The following FAM185A variants were observed in gnomAD, a reference collection of about 807,000 sequenced individuals.
FAM185A encodes the protein protein FAM185A.
A neutral mutation model predicts 45.7 loss-of-function variants in FAM185A; 21 were observed. That is an observed-to-expected ratio of 0.46 (90% confidence interval 0.33 to 0.66). The LOEUF is 0.66. Ranked by LOEUF, FAM185A falls within the 30% of genes least tolerant of loss-of-function variation. FAM185A has a pLI of 0.03. For synonymous variants in FAM185A, 117 were observed against 194.0 expected (o/e 0.60, Z 3.30); for missense variants, 305 against 485.4 (o/e 0.63, Z 3.49).
chr7:102,772,584 A>G (rs1794819998), intron 5 of FAM185A, 134 bp downstream of exon 5: 1 of 536,732 alleles, frequency 1.9e-6, no homozygotes, highest in Non-Finnish European at 3.2e-6. Context: ...AAATATAGGC[A>G]GAACCAATGT....
At chr7:102,765,021 C>T (rs865977946) in intron 4 of FAM185A, among the ~76,000 whole-genome samples, 1 of 152,242 alleles carries the variant, frequency 6.6e-6, no homozygotes, top group Non-Finnish European at 1.5e-5. Context: ...GAACAATTGG[C>T]TGTTCACAGA....
chr7:102,812,155 G>A (rs866440857), downstream of FAM185A, among the ~76,000 whole-genome samples: 44 of 152,296 alleles, frequency 2.9e-4, no homozygotes, highest in Non-Finnish European at 4.9e-4. Flanking sequence ...TCAGAACAGA[G>A]TTGTGTTTTC....
chr7:102,832,774 C>T, the FAM185A span: 1 of 1,586,054 alleles, frequency 6.3e-7, no homozygotes, highest in African/African-American at 1.3e-5. Flanking sequence ...GCCCTGATCG[C>T]TGTCCTGCCT....
chr7:102,806,602 CAGGCCCTT>C (rs902236452), intron 7 of FAM185A, among the ~76,000 whole-genome samples: 3 of 152,298 alleles, frequency 2.0e-5, no homozygotes, highest in Middle Eastern at 3.4e-3. Context: ...GAAGAGTCCA[CAGGCCCTT>C]ACAAGCGGTC....
At chr7:102,780,653 A>G (rs544399013) in intron 6 of FAM185A, among the ~76,000 whole-genome samples, 1 of 152,296 alleles carries the variant, frequency 6.6e-6, no homozygotes, top group South Asian at 2.1e-4. Context: ...GTGAAATACC[A>G]TGGTGGTTAA....
chr7:102,789,419 T>A (rs980390215), intron 7 of FAM185A, among the ~76,000 whole-genome samples: 2 of 152,208 alleles, frequency 1.3e-5, no homozygotes, highest in Admixed American at 6.5e-5. Context: ...TTTTAAAAAA[T>A]TTTTTGAGGC....
chr7:102,839,809 T>C, the FAM185A span, among the ~76,000 whole-genome samples: 1 of 152,126 alleles, frequency 6.6e-6, no homozygotes, highest in African/African-American at 2.4e-5. Flanking sequence ...GTAAATTATA[T>C]AGGCATAAAC....
At position 102,771,866 on chromosome 7, in the gene FAM185A, A is replaced by G. The variant is rs188516716; in HGVS notation, c.794-543A>G. On this transcript the variant is annotated intron_variant, in intron 4 of 7. Coordinates refer to ENST00000413034, the MANE Select transcript of FAM185A (RefSeq NM_001145268.2). Reference sequence around the variant, plus strand: ...TTTTCACTAAGACGGAAATCTTTGAAGCTTCTTTGTTCTGTTTTGTTAGTC... The same window carrying G: ...TTTTCACTAAGACGGAAATCTTTGAGGCTTCTTTGTTCTGTTTTGTTAGTC... 1.7e-3 allele frequency among the ~76,000 whole-genome samples: 256 copies of G among 152,266 alleles called. 2 individuals carry two copies. Among genetic ancestry groups the G allele is most frequent in the Admixed American group, 0.015 (237 of 15,292 alleles).
At chr7:102,753,461 G>A (rs549373576) in intron 2 of FAM185A, among the ~76,000 whole-genome samples, 79 of 152,050 alleles carry the variant, frequency 5.2e-4, no homozygotes, top group Admixed American at 1.9e-3. Context: ...TTTTCAGTCA[G>A]GTGATTTGTT....
intron 4 of FAM185A, among the ~76,000 whole-genome samples, chr7:102,762,679 A>G (rs1042329138): frequency 2.6e-5 from 4 of 152,228 alleles, no homozygotes; most frequent in African/African-American, 7.2e-5. Flanking sequence ...TTCTAAAAAA[A>G]AATTTTAAAA....
At chr7:102,765,235 C>T (rs1389800656) in intron 4 of FAM185A, among the ~76,000 whole-genome samples, 1 of 152,172 alleles carries the variant, frequency 6.6e-6, no homozygotes, top group Non-Finnish European at 1.5e-5. Flanking sequence ...GAAGACAGTA[C>T]TATAACACAG....
chr7:102,776,872 A>AATTCTTTGG (rs1318298160), intron 5 of FAM185A, among the ~76,000 whole-genome samples: 1 of 151,844 alleles, frequency 6.6e-6, no homozygotes, highest in East Asian at 1.9e-4. Flanking sequence ...CATGAGGTAG[A>AATTCTTTGG]ATTCTTTGGT....
At chr7:102,784,488 A>G (rs559443621) in intron 6 of FAM185A, among the ~76,000 whole-genome samples, 1 of 152,234 alleles carries the variant, frequency 6.6e-6, no homozygotes, top group Non-Finnish European at 1.5e-5. Context: ...ATCTACCATG[A>G]TCAAGTGGGC....
intron 6 of FAM185A, among the ~76,000 whole-genome samples, chr7:102,781,023 A>G (rs533918719): frequency 6.6e-6 from 1 of 152,202 alleles, no homozygotes; most frequent in Non-Finnish European, 1.5e-5. Flanking sequence ...TATCCCACGC[A>G]TGGCTCTGAG....
chr7:102,758,459 T>TTTTTTTTTTTTTTTA (rs1554364935), intron 3 of FAM185A, among the ~76,000 whole-genome samples: 1 of 107,448 alleles, frequency 9.3e-6, no homozygotes, highest in African/African-American at 3.6e-5. Context: ...TTTTTTTTTT[T>TTTTTTTTTTTTTTTA]ATAGTAGCTA....
Position 102,806,253 on chromosome 7 carries a change from C to T in FAM185A, c.1067-2037C>T, listed in dbSNP as rs533149771. Reference sequence around the variant, plus strand: ...AGGCTGGAGTGCAATGGCATGATCTCGGCTTACTGCAGCCTCCGCCTCCAA... The same window carrying T: ...AGGCTGGAGTGCAATGGCATGATCTTGGCTTACTGCAGCCTCCGCCTCCAA... On this transcript the variant is annotated intron_variant, in intron 7 of 7. Coordinates refer to ENST00000413034, the MANE Select transcript of FAM185A (RefSeq NM_001145268.2). Among the ~76,000 whole-genome samples the T allele has an allele frequency of 1.7e-3, 255 of 152,220 alleles. 1 individual carries two copies. Among genetic ancestry groups the T allele is most frequent in the African/African-American group, 5.7e-3 (235 of 41,530 alleles).
rs1795874279 is a variant in FAM185A, at chr7:102,787,394, G to C, written c.991G>C (p.Glu331Gln). ...LQAHLQLSGK[E>Q]VDVNSEVHVQ... ...AGCTCATTTACAGTTATCAGGGAAA[G>C]AGGTTGATGTGAACTCAGAAGTCCA... Residue 331 changes from glutamate (E) to glutamine (Q), a missense_variant, in exon 7 of 8, where the codon GAG becomes CAG. Physicochemically the swap from Glu to Gln is conservative, Grantham distance 29. Coordinates refer to ENST00000413034, the MANE Select transcript of FAM185A (RefSeq NM_001145268.2). The C allele has an allele frequency of 5.9e-6, 9 of 1,535,194 alleles. No homozygotes were observed. The highest frequency in any genetic ancestry group is 7.9e-6 in the Non-Finnish European group (9 of 1,135,618).
At chr7:102,770,889 C>T (rs1794705322) in intron 4 of FAM185A, among the ~76,000 whole-genome samples, 1 of 152,182 alleles carries the variant, frequency 6.6e-6, no homozygotes, top group African/African-American at 2.4e-5. Context: ...ATCATTCTTC[C>T]AAAAAGACAC....
chr7:102,820,669 A>G, the FAM185A span, among the ~76,000 whole-genome samples: 3 of 152,202 alleles, frequency 2.0e-5, no homozygotes, highest in Non-Finnish European at 4.4e-5. Flanking sequence ...AAAGAAATTT[A>G]TTGCTCATAG....
Sources: allele counts gnomAD v4.1 joint callset (sites outside exome capture counted in the v4.1 genomes callset), GRCh38; gene constraint gnomAD v4.1.1; transcripts MANE v1.5; gene names NCBI Gene and HGNC (gene_info 2026-07-23, HGNC 2026-07-21).